The following SMS variants were observed in gnomAD, a reference collection of about 807,000 sequenced individuals.
SMS encodes the protein spermine synthase, also known as spermidine aminopropyltransferase.
SMS carries 3 observed loss-of-function variants against 33.0 expected under a neutral mutation model. The ratio of observed to expected loss-of-function variants is 0.09; its 90% confidence interval spans 0.04 to 0.23. The LOEUF (loss-of-function observed/expected upper bound fraction) is 0.23. Ranked by LOEUF, SMS falls within the 10% of genes least tolerant of loss-of-function variation. SMS has a pLI of 1.00. For synonymous variants in SMS, 103 were observed against 112.2 expected, an observed-to-expected ratio of 0.92 and a Z score of 0.52; for missense variants, 117 against 288.6, an observed-to-expected ratio of 0.41 and a Z score of 4.31.
In SMS at chrX:21,961,585, G is replaced by A. The variant is rs767667147; in HGVS notation, c.50-5611G>A. 3.6e-5 allele frequency among the ~76,000 whole-genome samples: 4 copies of A among 111,056 alleles called. No homozygotes were observed. In the South Asian group the frequency reaches 1.5e-3, roughly 42 times the overall value. On this transcript the variant is annotated intron_variant, in intron 1 of 10. Coordinates refer to ENST00000404933, the MANE Select transcript of SMS (RefSeq NM_004595.5). ...TTCCCTGGTAGAAAATGAGGCAGGA[G>A]GGTGAAGCTTAGGCCTTGATTCTTT...
At chrX:21,960,543 A>T (rs1353700769) in intron 1 of SMS, among the ~76,000 whole-genome samples, 4 of 111,985 alleles carry the variant, frequency 3.6e-5, no homozygotes, top group Non-Finnish European at 5.6e-5. Flanking sequence ...CATGTTGCCT[A>T]TATTTTCTAA....
At position 21,977,953 on chromosome X, in the gene SMS, T is replaced by C; in HGVS notation, c.506-7T>C. On this transcript the variant is annotated splice_region_variant and splice_polypyrimidine_tract_variant and intron_variant, in intron 5 of 10. Transcript: ENST00000404933. ...ACTCACCATTTGGATCTGTTTCTCCTCCCTAGATTTGGCAGAGAGTGATTT... is the reference window on the plus strand; with the variant it reads ...ACTCACCATTTGGATCTGTTTCTCCCCCCTAGATTTGGCAGAGAGTGATTT... 2 of 1,210,031 alleles carry C rather than the reference T, an allele frequency of 1.7e-6. No individual in the cohort carries two copies. Among genetic ancestry groups the C allele is most frequent in the South Asian group, 1.8e-5 (1 of 56,944 alleles).
intron 1 of SMS, among the ~76,000 whole-genome samples, chrX:21,952,920 A>C (rs1602185127): frequency 1.0e-5 from 1 of 98,696 alleles, no homozygotes. Context: ...CACCATCATC[A>C]CTGGCTAATT....
In SMS at chrX:21,966,204, G is replaced by A. The variant is rs904584197; in HGVS notation, c.50-992G>A. Among the ~76,000 whole-genome samples the A allele has an allele frequency of 2.0e-4, 22 of 111,884 alleles. 2 individuals are homozygous for A. The highest frequency in any genetic ancestry group is 1.8e-3 in the Admixed American group (19 of 10,574). ...ACACTGCAATCAGCTGTGACTCTTT[G>A]TTTTTTTCTTTTACCTCTGTTCAGG... On this transcript the variant is annotated intron_variant, in intron 1 of 10. Coordinates refer to ENST00000404933, the MANE Select transcript of SMS (RefSeq NM_004595.5).
chrX:21,957,669 G>C (rs993731308), intron 1 of SMS, among the ~76,000 whole-genome samples: 8 of 112,187 alleles, frequency 7.1e-5, no homozygotes, highest in African/African-American at 2.6e-4. Flanking sequence ...TCTACTTCTA[G>C]TTCTTTAAGG....
chrX:21,967,577 A>T (rs1174472183), intron 2 of SMS, among the ~76,000 whole-genome samples: 1 of 111,581 alleles, frequency 9.0e-6, no homozygotes, highest in Non-Finnish European at 1.9e-5. Context: ...TTTTGTTAAG[A>T]CTGATGCCCA....
intron 4 of SMS, among the ~76,000 whole-genome samples, chrX:21,973,660 T>C: frequency 8.8e-6 from 1 of 113,008 alleles, no homozygotes; most frequent in Non-Finnish European, 1.9e-5. Flanking sequence ...AGGCAGGTTA[T>C]TTTCAAGTGA....
At chrX:21,973,585 G>A (rs751929375) in intron 4 of SMS, among the ~76,000 whole-genome samples, 9 of 112,983 alleles carry the variant, frequency 8.0e-5, no homozygotes, top group Non-Finnish European at 1.7e-4. Context: ...TTGCCTCAAG[G>A]CGTTCAAAGA....
chrX:21,983,638 G>A (rs1367828420), intron 7 of SMS, among the ~76,000 whole-genome samples: 7 of 111,585 alleles, frequency 6.3e-5, no homozygotes, highest in South Asian at 7.5e-4. Context: ...TAGCCCAAGC[G>A]TTAGAGAAAA....
intron 9 of SMS, among the ~76,000 whole-genome samples, chrX:21,988,687 A>G (rs1018485153): frequency 2.0e-5 from 2 of 99,124 alleles, no homozygotes; most frequent in African/African-American, 7.8e-5. Context: ...AAAAAAAAAA[A>G]AAAAAGGAGT....
At chrX:21,947,456 T>C (rs185754452) in intron 1 of SMS, among the ~76,000 whole-genome samples, 1 of 111,291 alleles carries the variant, frequency 9.0e-6, no homozygotes, top group Admixed American at 9.6e-5. Flanking sequence ...CTCTAGTAGG[T>C]TCCTTATTTA....
At chrX:21,973,559 G>T (rs1924333177) in intron 4 of SMS, among the ~76,000 whole-genome samples, 1 of 112,807 alleles carries the variant, frequency 8.9e-6, no homozygotes, top group African/African-American at 3.2e-5. Context: ...CCGACAGGGT[G>T]GGGTGATAAG....
At chrX:21,955,682 C>CT (rs1175463140) in intron 1 of SMS, among the ~76,000 whole-genome samples, 2 of 111,508 alleles carry the variant, frequency 1.8e-5, no homozygotes, top group Non-Finnish European at 3.8e-5. Flanking sequence ...TTCCACCGCT[C>CT]TGGGCCAGAG....
At chrX:21,952,412 TG>T (rs1569342223) in intron 1 of SMS, among the ~76,000 whole-genome samples, 216 of 91,566 alleles carry the variant, frequency 2.4e-3, no homozygotes, top group African/African-American at 7.7e-3. Flanking sequence ...TCACGTTGTT[TG>T]TTTGTTTGTT....
chrX:21,985,886 T>G (rs1925291884), intron 9 of SMS, among the ~76,000 whole-genome samples: 2 of 110,828 alleles, frequency 1.8e-5, no homozygotes, highest in Admixed American at 9.7e-5. Context: ...TAGCTGGGTA[T>G]GGTGGTGCAT....
chrX:21,987,943 C>T (rs1052391566), intron 9 of SMS, among the ~76,000 whole-genome samples: 1 of 112,491 alleles, frequency 8.9e-6, no homozygotes, highest in Admixed American at 9.4e-5. Context: ...ACTACCACAG[C>T]CCATTTGTGA....
At chrX:21,988,662 CAAAAAAAAAAAAAAAAAAAAAAAAA>C (rs199561897) in intron 9 of SMS, among the ~76,000 whole-genome samples, 1 of 66,156 alleles carries the variant, frequency 1.5e-5, no homozygotes, top group Admixed American at 2.2e-4. Flanking sequence ...GACTCTGTCT[CAAAAAAAAAAAAAAAAAAAAAAAAA>C]AAAAAGGAGT....
chrX:21,947,196 C>T (rs967610710), intron 1 of SMS, among the ~76,000 whole-genome samples: 9 of 111,900 alleles, frequency 8.0e-5, no homozygotes, highest in South Asian at 7.5e-4. Context: ...TCCTTCCTCC[C>T]GCTCCTTCAG....
intron 5 of SMS, among the ~76,000 whole-genome samples, chrX:21,977,497 A>G: frequency 9.0e-6 from 1 of 111,589 alleles, no homozygotes; most frequent in Non-Finnish European, 1.9e-5. Context: ...AAAAAAAAAA[A>G]CCTTTTTGTT....
Sources: allele counts gnomAD v4.1 joint callset (sites outside exome capture counted in the v4.1 genomes callset), GRCh38; gene constraint gnomAD v4.1.1; transcripts MANE v1.5; gene names NCBI Gene and HGNC (gene_info 2026-07-23, HGNC 2026-07-21).